Variants in TBC1D5 observed in about 807,000 individuals in gnomAD.
TBC1D5 encodes the protein TBC1 domain family member 5.
TBC1D5 carries 75 observed loss-of-function variants against 100.3 expected under a neutral mutation model. The observed-to-expected ratio is 0.75, with a 90% confidence interval of 0.62 to 0.91. The LOEUF (loss-of-function observed/expected upper bound fraction) is 0.91. Among genes scored for constraint, TBC1D5 ranks in the 40% least tolerant of loss-of-function variants. TBC1D5 has a pLI of 0.00. For missense variants in TBC1D5, 910 were observed against 942.4 expected, an observed-to-expected ratio of 0.97 and a Z score of 0.45; for synonymous variants, 323 against 325.6, an observed-to-expected ratio of 0.99 and a Z score of 0.09.
intron 3 of TBC1D5, among the ~76,000 whole-genome samples, chr3:17,489,840 T>G (rs565779849): frequency 6.6e-6 from 1 of 152,230 alleles, no homozygotes; most frequent in Non-Finnish European, 1.5e-5. Flanking sequence ...ATCGTTGTAA[T>G]AGATTGATTT....
chr3:17,667,405 G>T (rs1287833514), intron 1 of TBC1D5, among the ~76,000 whole-genome samples: 2 of 151,878 alleles, frequency 1.3e-5, no homozygotes, highest in Non-Finnish European at 2.9e-5. Flanking sequence ...GATTTTCAAC[G>T]CAATTACTTT....
intron 4 of TBC1D5, among the ~76,000 whole-genome samples, chr3:17,425,746 T>A (rs1176191449): frequency 6.6e-6 from 1 of 152,142 alleles, no homozygotes; most frequent in African/African-American, 2.4e-5. Context: ...CAAGACTGAA[T>A]TCAAAAGTTA....
At chr3:17,307,444 T>G (rs2083508370) in intron 14 of TBC1D5, among the ~76,000 whole-genome samples, 1 of 152,224 alleles carries the variant, frequency 6.6e-6, no homozygotes, top group South Asian at 2.1e-4. Flanking sequence ...TTCCGGTTAT[T>G]ACAGACACCA....
chr3:17,721,648 G>A (rs1172119742), intron 1 of TBC1D5, among the ~76,000 whole-genome samples: 2 of 152,024 alleles, frequency 1.3e-5, no homozygotes, highest in African/African-American at 2.4e-5. Context: ...CTCTAGCCTG[G>A]GCGACAGAGT....
At chr3:17,254,525 T>A (rs895090191) in intron 16 of TBC1D5, among the ~76,000 whole-genome samples, 3 of 152,180 alleles carry the variant, frequency 2.0e-5, no homozygotes, top group Non-Finnish European at 4.4e-5. Flanking sequence ...GTGAAGAGGC[T>A]GTTGAGTATT....
intron 17 of TBC1D5, among the ~76,000 whole-genome samples, chr3:17,225,938 T>G (rs772288352): frequency 6.6e-6 from 1 of 152,066 alleles, no homozygotes. Flanking sequence ...AAAATGTGCA[T>G]AGGTTATATG....
exon 22 of TBC1D5, chr3:17,160,598 G>C (rs1030887003): frequency 1.4e-5 from 3 of 207,640 alleles, no homozygotes; most frequent in Non-Finnish European, 2.9e-5. Context: ...AACTGATGGA[G>C]GTGCCACACA....
chr3:17,670,311 A>T lies in TBC1D5; in HGVS notation c.-100-46398T>A, dbSNP rs143463637. 3.3e-5 allele frequency among the ~76,000 whole-genome samples: 5 copies of T among 152,352 alleles called. No homozygotes were observed. In the East Asian group the frequency reaches 9.6e-4, roughly 29 times the overall value. ...AAATTATTATTAAACTCTTGACAGAAACCAAAGAGCTGATTCCAAACATAA... is the reference window on the plus strand; with the variant it reads ...AAATTATTATTAAACTCTTGACAGATACCAAAGAGCTGATTCCAAACATAA... On this transcript the variant is annotated intron_variant, in intron 1 of 21. Coordinates refer to ENST00000253692, the Ensembl canonical transcript of TBC1D5.
chr3:17,337,705 C>T lies in TBC1D5; in HGVS notation c.996-29571G>A, dbSNP rs1397784738. 5 of 152,160 alleles carry T rather than the reference C, an allele frequency of 3.3e-5. No individual in the cohort carries two copies. The East Asian group carries it at 9.6e-4, about 29-fold the overall frequency. The allele number at this position is 152,160 out of a possible 1,614,324, so 9.4% of individuals were successfully genotyped here. A position where few individuals can be genotyped will look rare whatever the true frequency, so the allele number is the denominator to read the frequency against. ...CAATTTTATTTTCTTTAAAGCAGAA[C>T]ATGAATAAATAACATCTCTATATAA... On this transcript the variant is annotated intron_variant, in intron 13 of 21. Transcript: ENST00000253692.
intron 3 of TBC1D5, among the ~76,000 whole-genome samples, chr3:17,498,241 A>T (rs1413877036): frequency 6.6e-6 from 1 of 151,900 alleles, no homozygotes; most frequent in Non-Finnish European, 1.5e-5. Flanking sequence ...AGCTACCCAA[A>T]CTCCAGAATA....
rs769282475 is a variant in TBC1D5 at position 17,406,380 on chromosome 3, T to C, written c.276+38A>G. On this transcript the variant is annotated intron_variant, in intron 5 of 21. Coordinates refer to ENST00000253692, the Ensembl canonical transcript of TBC1D5. ...GGGCATCAGGTAATGTGTTGATATA[T>C]TGCAACCAGAAACTGTAAATAAATA... 34 of 1,579,524 alleles carry C rather than the reference T, an allele frequency of 2.2e-5. No individual in the cohort carries two copies. In the South Asian group the frequency reaches 3.4e-4, roughly 16 times the overall value.
rs991526493 is a variant in TBC1D5, at chr3:17,251,434, C to G, written c.1331+7072G>C. 1.2e-3 allele frequency among the ~76,000 whole-genome samples: 176 copies of G among 145,424 alleles called. 1 individual carries two copies. Among genetic ancestry groups the G allele is most frequent in the Non-Finnish European group, 2.3e-3 (147 of 65,248 alleles). Reference sequence around the variant, plus strand: ...ATATATACTCACGGGAACCCCCCCCCCCCCAGTAGAAGCGATTAGAAGTGG... The same window carrying G: ...ATATATACTCACGGGAACCCCCCCCGCCCCAGTAGAAGCGATTAGAAGTGG... On this transcript the variant is annotated intron_variant, in intron 16 of 21. Transcript: ENST00000253692.
chr3:17,435,302 T>A (rs1164887297), intron 3 of TBC1D5, among the ~76,000 whole-genome samples: 1 of 152,224 alleles, frequency 6.6e-6, no homozygotes, highest in East Asian at 1.9e-4. Flanking sequence ...CCAATCTCTG[T>A]GGTACCAATT....
exon 18 of TBC1D5, chr3:17,214,329 T>C (rs2073359782): frequency 1.9e-6 from 3 of 1,613,256 alleles, no homozygotes; most frequent in Non-Finnish European, 2.5e-6. Context: ...CCAGGCAAAC[T>C]CTCAACGCTT....
At chr3:17,316,689 A>T (rs551718235) in intron 13 of TBC1D5, among the ~76,000 whole-genome samples, 23 of 152,154 alleles carry the variant, frequency 1.5e-4, no homozygotes, top group Admixed American at 2.6e-4. Flanking sequence ...GCTAGTGAGG[A>T]GCTATTCTGT....
intron 15 of TBC1D5, among the ~76,000 whole-genome samples, chr3:17,270,122 A>AGAG (rs1490881987): frequency 1.3e-5 from 2 of 152,144 alleles, no homozygotes; most frequent in East Asian, 3.8e-4. Context: ...ACAATGTGTA[A>AGAG]GAGTTCCCTT....
At chr3:17,396,932 T>C (rs1445284702) in intron 8 of TBC1D5, among the ~76,000 whole-genome samples, 1 of 152,144 alleles carries the variant, frequency 6.6e-6, no homozygotes, top group African/African-American at 2.4e-5. Flanking sequence ...AATAATGAAT[T>C]ATCTATACAG....
At chr3:17,603,670 G>A (rs1449988208) in intron 2 of TBC1D5, among the ~76,000 whole-genome samples, 2 of 151,946 alleles carry the variant, frequency 1.3e-5, no homozygotes, top group African/African-American at 2.4e-5. Context: ...TTATTCTGCC[G>A]GCGGCGGGGT....
chr3:17,159,417 A>G (rs1000494662), exon 22 of TBC1D5: 4 of 152,190 alleles, frequency 2.6e-5, no homozygotes, highest in African/African-American at 9.7e-5. Context: ...CTGAGCTTTC[A>G]TTTGTTACCA....
Sources: allele counts gnomAD v4.1 joint callset (sites outside exome capture counted in the v4.1 genomes callset), GRCh38; gene constraint gnomAD v4.1.1; transcripts MANE v1.5; gene names NCBI Gene and HGNC (gene_info 2026-07-23, HGNC 2026-07-21).